RBFOX1: variants seen among roughly 807,000 people sequenced by gnomAD.
RBFOX1 encodes RNA binding protein fox-1 homolog 1.
Under a neutral mutation model 57.7 loss-of-function variants are expected in RBFOX1, and 8 were observed. That is an observed-to-expected ratio of 0.14 (90% CI 0.08 to 0.25). The LOEUF (loss-of-function observed/expected upper bound fraction) is 0.25. Among genes scored for constraint, RBFOX1 ranks in the 10% least tolerant of loss-of-function variants. The pLI is 1.00. For missense variants in RBFOX1, 611 were observed against 548.5 expected, an observed-to-expected ratio of 1.11 and a Z score of -1.14; for synonymous variants, 326 against 222.4, an observed-to-expected ratio of 1.47 and a Z score of -4.15.
At chr16:7,530,150 A>G (rs1208663544) in intron 5 of RBFOX1, among the ~76,000 whole-genome samples, 1 of 152,142 alleles carries the variant, frequency 6.6e-6, no homozygotes, top group Admixed American at 6.5e-5. Flanking sequence ...TGACTATCTT[A>G]TCTTCCTGCT....
chr16:6,595,978 C>T (rs1567815982), intron 2 of RBFOX1, among the ~76,000 whole-genome samples: 1 of 150,666 alleles, frequency 6.6e-6, no homozygotes, highest in Admixed American at 6.6e-5. Context: ...TTTAATGGAA[C>T]TTTTTATTTT....
intron 4 of RBFOX1, among the ~76,000 whole-genome samples, chr16:7,356,687 A>G (rs1481029216): frequency 6.6e-6 from 1 of 152,246 alleles, no homozygotes; most frequent in Admixed American, 6.5e-5. Context: ...GAAGTTCTGA[A>G]GTGCATGAAT....
chr16:7,435,603 A>G (rs747913424), intron 4 of RBFOX1, among the ~76,000 whole-genome samples: 61 of 152,222 alleles, frequency 4.0e-4, no homozygotes, highest in Non-Finnish European at 1.2e-4. Context: ...GTAAAGGACC[A>G]TCAGGTGGAA....
chr16:7,227,466 G>T (rs1397845788), intron 4 of RBFOX1, among the ~76,000 whole-genome samples: 1 of 152,092 alleles, frequency 6.6e-6, no homozygotes, highest in Non-Finnish European at 1.5e-5. Flanking sequence ...AAAAGTATGC[G>T]ATTTTATTCA....
chr16:6,657,541 C>T (rs1187395208), intron 3 of RBFOX1, among the ~76,000 whole-genome samples: 1 of 152,100 alleles, frequency 6.6e-6, no homozygotes, highest in East Asian at 1.9e-4. Context: ...TGGGAGTGCA[C>T]TCTGGTGCCT....
At chr16:7,130,954 C>T (rs774475411) in intron 4 of RBFOX1, among the ~76,000 whole-genome samples, 1 of 152,102 alleles carries the variant, frequency 6.6e-6, no homozygotes, top group Non-Finnish European at 1.5e-5. Flanking sequence ...AGGTGCACCA[C>T]CTATAAGTGA....
chr16:7,082,496 C>G (rs187915670), intron 4 of RBFOX1, among the ~76,000 whole-genome samples: 1 of 151,082 alleles, frequency 6.6e-6, no homozygotes, highest in East Asian at 2.0e-4. Context: ...ATGGGAGGAT[C>G]GCTTGAGCCT....
intron 3 of RBFOX1, among the ~76,000 whole-genome samples, chr16:6,996,801 T>C (rs923323898): frequency 6.6e-6 from 1 of 152,162 alleles, no homozygotes; most frequent in African/African-American, 2.4e-5. Flanking sequence ...TTGATTTTTA[T>C]GGCCAGTCTA....
At chr16:7,418,800 TC>T (rs1453802177) in intron 4 of RBFOX1, among the ~76,000 whole-genome samples, 1 of 139,206 alleles carries the variant, frequency 7.2e-6, no homozygotes, top group African/African-American at 2.6e-5. Flanking sequence ...TTCTCTGTCT[TC>T]CTCTGTCTCT....
At chr16:6,288,455 G>A (rs7199463) in intron 1 of RBFOX1, among the ~76,000 whole-genome samples, 32,687 of 152,020 alleles carry the variant, frequency 0.22, 4,597 homozygotes, top group African/African-American at 0.4. Flanking sequence ...GGGTAGCAAG[G>A]ATTTTAAACA....
At chr16:6,519,631 G>A (rs1018126940) in intron 2 of RBFOX1, among the ~76,000 whole-genome samples, 2 of 152,132 alleles carry the variant, frequency 1.3e-5, no homozygotes, top group Non-Finnish European at 2.9e-5. Context: ...AACCCGGGAG[G>A]TGGAGGTTGC....
intron 4 of RBFOX1, among the ~76,000 whole-genome samples, chr16:7,395,101 T>C (rs892636699): frequency 6.6e-6 from 1 of 152,158 alleles, no homozygotes; most frequent in Non-Finnish European, 1.5e-5. Context: ...TTTTTTTCTC[T>C]TGAGTTAGTA....
At chr16:6,441,798 C>T (rs1382883545) in intron 2 of RBFOX1, among the ~76,000 whole-genome samples, 4 of 152,120 alleles carry the variant, frequency 2.6e-5, no homozygotes, top group Non-Finnish European at 5.9e-5. Context: ...ACAGCTTTAG[C>T]CCTTGAAGAG....
Position 6,316,984 on chromosome 16 carries a change from T to G in RBFOX1, c.-126-11T>G. The G allele has an allele frequency of 6.8e-7, 1 of 1,465,812 alleles. No individual in the cohort carries two copies. The highest frequency in any genetic ancestry group is 9.2e-7 in the Non-Finnish European group (1 of 1,092,430). The allele number at this position is 1,465,812 out of a possible 1,614,324, so 90.8% of individuals were successfully genotyped here. A position where few individuals can be genotyped will look rare whatever the true frequency, so the allele number is the denominator to read the frequency against. ...CTTGATACTAAAGTCATTCCCCTTT[T>G]TCTTCTTTAGGAAACTGGTCAAAGA... On this transcript the variant is annotated splice_polypyrimidine_tract_variant and intron_variant, in intron 1 of 15. Transcript: ENST00000550418.
chr16:7,054,951 A>G (rs1214819007), intron 4 of RBFOX1, among the ~76,000 whole-genome samples: 1 of 152,178 alleles, frequency 6.6e-6, no homozygotes, highest in African/African-American at 2.4e-5. Context: ...TTTGTGCCCC[A>G]TCGAGGCTGT....
chr16:6,108,344 C>G (rs922531855), intron 1 of RBFOX1, among the ~76,000 whole-genome samples: 1 of 152,130 alleles, frequency 6.6e-6, no homozygotes, highest in African/African-American at 2.4e-5. Context: ...CAATGGATCT[C>G]TGTTTCCTAT....
intron 3 of RBFOX1, among the ~76,000 whole-genome samples, chr16:5,698,983 ATTTTTT>A (rs3036442): frequency 8.2e-5 from 9 of 109,936 alleles, no homozygotes; most frequent in Non-Finnish European, 1.1e-4. Flanking sequence ...ACCTGGTTGG[ATTTTTT>A]TTTTTTTTTT....
chr16:6,872,715 G>A (rs781503538), intron 3 of RBFOX1, among the ~76,000 whole-genome samples: 1 of 152,190 alleles, frequency 6.6e-6, no homozygotes, highest in Non-Finnish European at 1.5e-5. Flanking sequence ...ATTTAGAGTT[G>A]TGTCTCAAAA....
In RBFOX1 at chr16:5,341,768, GA is replaced by G. The variant is rs1232701810; in HGVS notation, c.219+101664del. Among the ~76,000 whole-genome samples the G allele has an allele frequency of 2.0e-5, 3 of 152,328 alleles. No homozygotes were observed. In the East Asian group the frequency reaches 5.8e-4, roughly 29 times the overall value. On this transcript the variant is annotated intron_variant, in intron 1 of 2. Coordinates refer to the RBFOX1 transcript ENST00000585867. ...GGTGGATGGTGGCCCCTTTTGTGGG[GA>G]TGGAGGAGACTGGAAGAGAAACACT...
Sources: gnomAD v4.1 joint callset for allele counts (sites outside exome capture counted in the v4.1 genomes callset) on GRCh38, gnomAD v4.1.1 for gene constraint, MANE v1.5 for transcripts, NCBI Gene and HGNC (gene_info 2026-07-23, HGNC 2026-07-21) for gene names.